Variants in ME1 observed in about 807,000 individuals in gnomAD.
ME1 encodes NADP-dependent malic enzyme.
A neutral mutation model predicts 66.4 loss-of-function variants in ME1; 74 were observed. The ratio of observed to expected loss-of-function variants is 1.11; its 90% CI spans 0.92 to 1.35. The LOEUF (loss-of-function observed/expected upper bound fraction) is 1.35. Among genes scored for constraint, ME1 ranks in the 40% most tolerant of loss-of-function variants. The probability of loss-of-function intolerance (pLI) is 0.00; values close to 1 mark genes in which losing one functional copy is unlikely to be tolerated. For synonymous variants in ME1, 251 were observed against 235.6 expected (o/e 1.07, Z -0.60); for missense variants, 750 against 694.1 (o/e 1.08, Z -0.90).
At chr6:83,278,442 T>C (rs963898500) in intron 6 of ME1, among the ~76,000 whole-genome samples, 5 of 152,060 alleles carry the variant, frequency 3.3e-5, no homozygotes, top group Non-Finnish European at 5.9e-5. Flanking sequence ...AAAAATTTGA[T>C]TGTTTATTTT....
intron 6 of ME1, among the ~76,000 whole-genome samples, chr6:83,313,437 A>G (rs949530560): frequency 6.6e-6 from 1 of 152,170 alleles, no homozygotes; most frequent in Non-Finnish European, 1.5e-5. Context: ...GATATAAAAT[A>G]TTCAAAATTT....
chr6:83,342,647 C>T (rs1193416820), intron 5 of ME1, among the ~76,000 whole-genome samples: 3 of 151,996 alleles, frequency 2.0e-5, no homozygotes, highest in Non-Finnish European at 4.4e-5. Context: ...GTGTAATGAT[C>T]CAGTCAGGGT....
chr6:83,353,831 T>G (rs1008099033), intron 3 of ME1, among the ~76,000 whole-genome samples: 5 of 152,170 alleles, frequency 3.3e-5, no homozygotes, highest in African/African-American at 1.2e-4. Context: ...AAATGAGCCA[T>G]TTTTCTAATC....
rs1768401977 is a variant in ME1 at position 83,331,223 on chromosome 6, G to A, written c.600+14950C>T. On this transcript the variant is annotated intron_variant, in intron 5 of 13. Coordinates refer to ENST00000369705, the MANE Select transcript of ME1 (RefSeq NM_002395.6). ...AGAATGTGACGTATTTGGAGACAGA[G>A]TATTTAAAGAAGTAATTAAGTTGAA... 2.0e-5 allele frequency among the ~76,000 whole-genome samples: 3 copies of A among 152,124 alleles called. No homozygotes were observed. In the South Asian group the frequency reaches 6.2e-4, roughly 32 times the overall value.
At chr6:83,276,135 C>A (rs1340405584) in intron 6 of ME1, among the ~76,000 whole-genome samples, 1 of 152,114 alleles carries the variant, frequency 6.6e-6, no homozygotes, top group Non-Finnish European at 1.5e-5. Flanking sequence ...GAAGCACCGA[C>A]TTTTTTGCAT....
At chr6:83,274,597 T>C (rs1019392723) in intron 6 of ME1, among the ~76,000 whole-genome samples, 6 of 152,226 alleles carry the variant, frequency 3.9e-5, no homozygotes, top group Non-Finnish European at 7.3e-5. Flanking sequence ...AATTCCAGGA[T>C]AGAAGGCCAT....
At chr6:83,394,920 G>A (rs1456043287) in intron 3 of ME1, among the ~76,000 whole-genome samples, 1 of 152,014 alleles carries the variant, frequency 6.6e-6, no homozygotes, top group Non-Finnish European at 1.5e-5. Context: ...TTAAGGGAAA[G>A]AACAAAAGAG....
intron 3 of ME1, among the ~76,000 whole-genome samples, chr6:83,388,091 C>CTTTCTTTTTTTTTTTT (rs71545856): frequency 7.5e-6 from 1 of 133,394 alleles, no homozygotes; most frequent in African/African-American, 2.8e-5. Flanking sequence ...TCCTTCCTTC[C>CTTTCTTTTTTTTTTTT]TTTTTTTTTT....
chr6:83,325,691 A>G (rs954035902), intron 5 of ME1, among the ~76,000 whole-genome samples: 10 of 152,086 alleles, frequency 6.6e-5, no homozygotes, highest in African/African-American at 2.2e-4. Context: ...AAAAACTACA[A>G]ACCACTGCTC....
chr6:83,378,621 T>C (rs1230548100), intron 3 of ME1, among the ~76,000 whole-genome samples: 2 of 152,030 alleles, frequency 1.3e-5, no homozygotes, highest in Non-Finnish European at 2.9e-5. Flanking sequence ...CAGATATTTA[T>C]ATTTGTCCAT....
intron 12 of ME1, among the ~76,000 whole-genome samples, chr6:83,221,786 T>C (rs975834205): frequency 6.6e-6 from 1 of 151,714 alleles, no homozygotes; most frequent in Non-Finnish European, 1.5e-5. Flanking sequence ...AAAAAATGAA[T>C]GCTAGAAAAA....
At chr6:83,323,796 C>G (rs770690602) in intron 5 of ME1, among the ~76,000 whole-genome samples, 1 of 151,960 alleles carries the variant, frequency 6.6e-6, no homozygotes, top group Non-Finnish European at 1.5e-5. Context: ...AAAATTAACA[C>G]AGATATTCAG....
At chr6:83,380,435 T>C (rs185864614) in intron 3 of ME1, among the ~76,000 whole-genome samples, 1 of 152,086 alleles carries the variant, frequency 6.6e-6, no homozygotes, top group East Asian at 1.9e-4. Flanking sequence ...CACTCCCTTT[T>C]GACAGTCTTC....
intron 6 of ME1, among the ~76,000 whole-genome samples, chr6:83,292,488 T>C (rs950054274): frequency 1.3e-5 from 2 of 152,170 alleles, no homozygotes; most frequent in Non-Finnish European, 2.9e-5. Context: ...ATACTTCCTC[T>C]GGAAGCTTCA....
At chr6:83,227,286 A>G in intron 11 of ME1, 49 bp downstream of exon 11, 1 of 1,347,462 alleles carries the variant, frequency 7.4e-7, no homozygotes, top group African/African-American at 1.5e-5. Context: ...GCCTCCCTAT[A>G]ATGAATAAAA....
intron 7 of ME1, 79 bp from the exon 8 acceptor site, chr6:83,239,715 ATAATC>A: frequency 1.0e-6 from 1 of 995,532 alleles, no homozygotes. Flanking sequence ...ACAACTTGAA[ATAATC>A]ATAAAACAGG....
intron 3 of ME1, among the ~76,000 whole-genome samples, chr6:83,358,674 GA>G (rs1344409235): frequency 1.3e-5 from 2 of 152,086 alleles, no homozygotes; most frequent in Non-Finnish European, 2.9e-5. Context: ...TGAAACTGGG[GA>G]CACTGAGTTT....
chr6:83,344,933 G>T (rs1188577707), intron 5 of ME1, among the ~76,000 whole-genome samples: 1 of 151,450 alleles, frequency 6.6e-6, no homozygotes, highest in Non-Finnish European at 1.5e-5. Flanking sequence ...TTATTTCAAT[G>T]CAACTTATCA....
chr6:83,323,062 A>G (rs1168374122), intron 5 of ME1, among the ~76,000 whole-genome samples: 1 of 152,230 alleles, frequency 6.6e-6, no homozygotes, highest in African/African-American at 2.4e-5. Flanking sequence ...GATAAGCTTC[A>G]TAAGTGAAGG....
Sources: gnomAD v4.1 joint callset for allele counts (sites outside exome capture counted in the v4.1 genomes callset) on GRCh38, gnomAD v4.1.1 for gene constraint, MANE v1.5 for transcripts, NCBI Gene and HGNC (gene_info 2026-07-23, HGNC 2026-07-21) for gene names.